ERC2: variants seen among roughly 807,000 people sequenced by gnomAD.
The protein encoded by ERC2 is ELKS/RAB6-interacting/CAST family member 2, also known as ERC protein 2.
A neutral mutation model predicts 114.8 loss-of-function variants in ERC2; 42 were observed. That is an observed-to-expected ratio of 0.37 (90% confidence interval 0.29 to 0.47). ERC2 has a LOEUF of 0.47. Ranked by LOEUF, ERC2 falls within the 20% of genes least tolerant of loss-of-function variation. ERC2 has a pLI of 0.99. For missense variants in ERC2, 939 were observed against 1,150.7 expected (o/e 0.82, Z 2.66); for synonymous variants, 454 against 425.5 (o/e 1.07, Z -0.82).
chr3:55,679,303 G>T (rs776574124), intron 17 of ERC2, among the ~76,000 whole-genome samples: 3 of 152,116 alleles, frequency 2.0e-5, no homozygotes, highest in Non-Finnish European at 1.5e-5. Flanking sequence ...CCAAATGCAC[G>T]CCTTGGCATG....
chr3:56,016,431 T>TTC (rs1320414584), intron 8 of ERC2, among the ~76,000 whole-genome samples: 1 of 150,828 alleles, frequency 6.6e-6, no homozygotes, highest in Non-Finnish European at 1.5e-5. Flanking sequence ...TTTTTTCTTT[T>TTC]TTTTTTTTTA....
intron 3 of ERC2, among the ~76,000 whole-genome samples, chr3:56,234,808 C>T (rs1190317860): frequency 3.9e-5 from 6 of 151,946 alleles, no homozygotes; most frequent in Admixed American, 3.9e-4. Flanking sequence ...TTATAAGAAA[C>T]TCCTGTGAGA....
chr3:56,354,420 AT>A (rs1455977043), intron 2 of ERC2, among the ~76,000 whole-genome samples: 7 of 151,930 alleles, frequency 4.6e-5, no homozygotes, highest in Non-Finnish European at 1.0e-4. Context: ...GTCTGGATAC[AT>A]TTTTTATTGT....
chr3:56,376,505 C>T (rs1314195191), intron 2 of ERC2, among the ~76,000 whole-genome samples: 2 of 151,804 alleles, frequency 1.3e-5, no homozygotes, highest in Non-Finnish European at 2.9e-5. Flanking sequence ...TGGCTCATGC[C>T]TGTAATCCTA....
intron 14 of ERC2, among the ~76,000 whole-genome samples, chr3:55,869,558 G>A (rs894975572): frequency 1.3e-5 from 2 of 151,990 alleles, no homozygotes; most frequent in South Asian, 2.1e-4. Context: ...CACCACACAG[G>A]TCGTAGTCTC....
chr3:56,209,410 G>A (rs2048929035), intron 3 of ERC2, among the ~76,000 whole-genome samples: 1 of 152,176 alleles, frequency 6.6e-6, no homozygotes, highest in South Asian at 2.1e-4. Context: ...TGTCCTTTGA[G>A]ATGTCAGCCA....
chr3:56,121,340 T>A (rs1226176476), intron 6 of ERC2, among the ~76,000 whole-genome samples: 1 of 152,214 alleles, frequency 6.6e-6, no homozygotes, highest in African/African-American at 2.4e-5. Flanking sequence ...CTTTTGAAAG[T>A]ATTAGCAAAA....
chr3:56,450,126 A>C (rs1288172289), intron 1 of ERC2, among the ~76,000 whole-genome samples: 1 of 152,256 alleles, frequency 6.6e-6, no homozygotes, highest in East Asian at 1.9e-4. Flanking sequence ...AGCTTAATAC[A>C]GCAGAGATTT....
intron 2 of ERC2, among the ~76,000 whole-genome samples, chr3:56,393,446 T>C (rs1391817940): frequency 6.6e-6 from 1 of 152,172 alleles, no homozygotes; most frequent in Non-Finnish European, 1.5e-5. Flanking sequence ...GCCTTCACTG[T>C]ATCCTACACA....
chr3:55,809,962 C>T (rs1464897919), intron 14 of ERC2, among the ~76,000 whole-genome samples: 1 of 152,188 alleles, frequency 6.6e-6, no homozygotes, highest in Non-Finnish European at 1.5e-5. Flanking sequence ...AAGGCTTACA[C>T]ATGAAAAGCA....
intron 13 of ERC2, among the ~76,000 whole-genome samples, chr3:55,908,835 C>T (rs545376458): frequency 2.6e-4 from 39 of 152,276 alleles, no homozygotes; most frequent in Middle Eastern, 3.4e-3. Flanking sequence ...AAAAGGGTCA[C>T]GTGCCTGCCC....
intron 2 of ERC2, among the ~76,000 whole-genome samples, chr3:56,336,776 G>A (rs1395804803): frequency 1.3e-5 from 2 of 152,152 alleles, no homozygotes; most frequent in Non-Finnish European, 2.9e-5. Context: ...TAGCCTGGGG[G>A]ATAGAGCGAG....
At chr3:55,840,545 G>C (rs1047719051) in intron 14 of ERC2, among the ~76,000 whole-genome samples, 5 of 151,850 alleles carry the variant, frequency 3.3e-5, no homozygotes, top group Admixed American at 6.5e-5. Context: ...AAGTAAAATG[G>C]TACAACTACT....
intron 6 of ERC2, among the ~76,000 whole-genome samples, chr3:56,103,783 CT>C (rs2078494309): frequency 1.3e-5 from 2 of 151,860 alleles, no homozygotes; most frequent in African/African-American, 2.4e-5. Context: ...ATCTATCTAT[CT>C]ATCCATCCAA....
intron 6 of ERC2, among the ~76,000 whole-genome samples, chr3:56,113,593 T>C (rs2079075507): frequency 6.6e-6 from 1 of 152,140 alleles, no homozygotes; most frequent in Non-Finnish European, 1.5e-5. Context: ...ACACCAAATG[T>C]ATGGGGTTTT....
intron 14 of ERC2, among the ~76,000 whole-genome samples, chr3:55,824,024 CT>C (rs2060230489): frequency 6.6e-6 from 1 of 152,144 alleles, no homozygotes; most frequent in Admixed American, 6.5e-5. Flanking sequence ...CTCACATGGT[CT>C]TTTCTCTGTG....
At chr3:56,420,424 C>T (rs552205575) in intron 2 of ERC2, among the ~76,000 whole-genome samples, 66 of 152,050 alleles carry the variant, frequency 4.3e-4, no homozygotes, top group African/African-American at 1.5e-3. Context: ...GTGATCCTCC[C>T]ACTTCTGTCT....
intron 17 of ERC2, among the ~76,000 whole-genome samples, chr3:55,606,019 G>T (rs533573253): frequency 6.6e-6 from 1 of 152,228 alleles, no homozygotes; most frequent in Admixed American, 6.5e-5. Context: ...AGTACAGACG[G>T]TTGCACAAGA....
chr3:55,706,755 A>C (rs142410839), intron 15 of ERC2, among the ~76,000 whole-genome samples: 1 of 152,276 alleles, frequency 6.6e-6, no homozygotes, highest in Non-Finnish European at 1.5e-5. Context: ...CCCTAATCAT[A>C]GTTGAATAAT....
Sources: gnomAD v4.1 joint callset for allele counts (sites outside exome capture counted in the v4.1 genomes callset) on GRCh38, gnomAD v4.1.1 for gene constraint, MANE v1.5 for transcripts, NCBI Gene and HGNC (gene_info 2026-07-23, HGNC 2026-07-21) for gene names.